WNT2: variants seen among roughly 807,000 people sequenced by gnomAD.
The protein encoded by WNT2 is protein Wnt-2.
WNT2 carries 12 observed loss-of-function variants against 36.9 expected under a neutral mutation model. The observed-to-expected ratio is 0.33, with a 90% CI of 0.21 to 0.53. The LOEUF is 0.53. WNT2 is among the 20% of genes least tolerant of loss of function. The probability of loss-of-function intolerance (pLI) is 0.95; values close to 1 mark genes in which losing one functional copy is unlikely to be tolerated. For synonymous variants in WNT2, 163 were observed against 174.6 expected (o/e 0.93, Z 0.52); for missense variants, 379 against 473.1 (o/e 0.80, Z 1.84).
chr7:117,278,813 C>T (rs1454277427), intron 4 of WNT2, among the ~76,000 whole-genome samples: 1 of 152,206 alleles, frequency 6.6e-6, no homozygotes, highest in Non-Finnish European at 1.5e-5. Context: ...CCAAGGTTAG[C>T]TCTCTTCAAA....
At chr7:117,296,737 C>T (rs1340842753) in intron 4 of WNT2, among the ~76,000 whole-genome samples, 3 of 152,038 alleles carry the variant, frequency 2.0e-5, no homozygotes, top group Non-Finnish European at 2.9e-5. Context: ...GGGACAGCTG[C>T]GGTGTTGAGG....
Position 117,278,336 on chromosome 7 carries a change from A to G in WNT2, c.902T>C (p.Met301Thr), listed in dbSNP as rs1554456741. The G allele has an allele frequency of 3.1e-6, 5 of 1,614,130 alleles. No individual in the cohort carries two copies. The highest frequency in any genetic ancestry group is 1.7e-5 in the Admixed American group (1 of 60,018). The change falls in exon 5 of 5, where the codon ATG becomes ACG. Residue 301 changes from methionine (M) to threonine (T), a missense_variant. Met to Thr is a moderately conservative substitution (Grantham distance 81). Coordinates refer to ENST00000265441, the MANE Select transcript of WNT2 (RefSeq NM_003391.3). Reference protein sequence around the residue: ...GRVCNLTSRGMDSCEVMCCGR... With the variant: ...GRVCNLTSRGTDSCEVMCCGR... ...ACAGCACATGACTTCACAGCTGTCC[A>G]TGCCCCGGGAAGTCAGGTTGCACAC...
chr7:117,310,507 CAGGAGGTCCAGGCTCTAGTGAGCCG>C (rs1562829784), intron 3 of WNT2, among the ~76,000 whole-genome samples: 1 of 148,088 alleles, frequency 6.8e-6, no homozygotes, highest in African/African-American at 2.5e-5. Flanking sequence ...TGCTTGAGCC[CAGGAGGTCCAGGCTCTAGTGAGCCG>C]AGATTGTGCC....
intron 4 of WNT2, among the ~76,000 whole-genome samples, chr7:117,286,024 T>C (rs139542880): frequency 5.0e-4 from 76 of 152,298 alleles, no homozygotes; most frequent in African/African-American, 1.4e-3. Flanking sequence ...TTTGGCAATG[T>C]CTGTGCTGTG....
chr7:117,282,015 G>T (rs1794498095), intron 4 of WNT2, among the ~76,000 whole-genome samples: 1 of 152,118 alleles, frequency 6.6e-6, no homozygotes, highest in Admixed American at 6.5e-5. Context: ...GGGACTTTAA[G>T]ATTATTTTAG....
intron 2 of WNT2, among the ~76,000 whole-genome samples, chr7:117,316,325 G>C (rs1795216869): frequency 6.6e-6 from 1 of 152,158 alleles, no homozygotes; most frequent in Non-Finnish European, 1.5e-5. Flanking sequence ...CAGATATAAG[G>C]CTCTTTAGGG....
At chr7:117,289,791 C>T (rs1794654033) in intron 4 of WNT2, among the ~76,000 whole-genome samples, 1 of 152,160 alleles carries the variant, frequency 6.6e-6, no homozygotes, top group Non-Finnish European at 1.5e-5. Flanking sequence ...ATTCGCTATA[C>T]ACACTGTGGC....
At chr7:117,309,575 A>G (rs1244813663) in intron 3 of WNT2, among the ~76,000 whole-genome samples, 1 of 152,232 alleles carries the variant, frequency 6.6e-6, no homozygotes, top group Non-Finnish European at 1.5e-5. Flanking sequence ...TGCAAACTGT[A>G]TAATAATGGT....
intron 4 of WNT2, among the ~76,000 whole-genome samples, chr7:117,293,061 G>A (rs1027750018): frequency 6.6e-6 from 1 of 152,062 alleles, no homozygotes; most frequent in Non-Finnish European, 1.5e-5. Flanking sequence ...GTCGGAGCCT[G>A]CGGTAAGCCA....
At chr7:117,304,432 ATTTTT>A (rs3034483) in intron 3 of WNT2, among the ~76,000 whole-genome samples, 28 of 116,912 alleles carry the variant, frequency 2.4e-4, no homozygotes, top group Admixed American at 7.8e-4. Flanking sequence ...TCTCCTCCAC[ATTTTT>A]TTTTTTTTTT....
chr7:117,298,595 C>A (rs890289236), intron 3 of WNT2, among the ~76,000 whole-genome samples: 1 of 152,228 alleles, frequency 6.6e-6, no homozygotes, highest in East Asian at 1.9e-4. Flanking sequence ...AAGCTCATCT[C>A]GGCTGGCTCC....
At position 117,276,542 on chromosome 7, in the gene WNT2, T is replaced by C. The variant is rs534231508; in HGVS notation, c.*1613A>G. 1 of 152,342 alleles carries C rather than the reference T, an allele frequency of 6.6e-6. No homozygotes were observed. The highest frequency in any genetic ancestry group is 1.5e-5 in the Non-Finnish European group (1 of 68,040). The allele number at this position is 152,342 out of a possible 1,614,324, so 9.4% of individuals were successfully genotyped here. Reference sequence around the variant, plus strand: ...GAGGGCTGGAGGCAAATGTTAACTATGGCAAAGTACTCCAGTAGGTTGTTT... The same window carrying C: ...GAGGGCTGGAGGCAAATGTTAACTACGGCAAAGTACTCCAGTAGGTTGTTT... On this transcript the variant is annotated 3_prime_UTR_variant, in exon 5 of 5. Transcript: ENST00000265441.
intron 1 of WNT2, among the ~76,000 whole-genome samples, chr7:117,321,124 C>T (rs1015574008): frequency 1.3e-5 from 2 of 152,118 alleles, no homozygotes; most frequent in Non-Finnish European, 2.9e-5. Context: ...TAAGAAGCAA[C>T]GTGTCTTGGG....
chr7:117,283,814 A>G (rs182385081), intron 4 of WNT2, among the ~76,000 whole-genome samples: 1 of 152,300 alleles, frequency 6.6e-6, no homozygotes, highest in East Asian at 1.9e-4. Context: ...GGAAAACACA[A>G]TCTGAACATG....
intron 3 of WNT2, among the ~76,000 whole-genome samples, chr7:117,303,705 C>T (rs1584689060): frequency 6.6e-6 from 1 of 152,298 alleles, no homozygotes; most frequent in African/African-American, 2.4e-5. Flanking sequence ...AAACAATAAA[C>T]ATCTACATAA....
At chr7:117,293,238 C>T (rs1224508961) in intron 4 of WNT2, among the ~76,000 whole-genome samples, 1 of 152,164 alleles carries the variant, frequency 6.6e-6, no homozygotes, top group Non-Finnish European at 1.5e-5. Flanking sequence ...CTGTAGACTG[C>T]ATCAGTTGCA....
intron 4 of WNT2, among the ~76,000 whole-genome samples, chr7:117,291,360 T>C (rs1014171778): frequency 2.0e-5 from 3 of 152,160 alleles, no homozygotes; most frequent in Admixed American, 2.0e-4. Flanking sequence ...CTGGCCCAGG[T>C]CAGGGTTTTT....
chr7:117,289,981 G>A (rs1168464945), intron 4 of WNT2, among the ~76,000 whole-genome samples: 1 of 152,166 alleles, frequency 6.6e-6, no homozygotes, highest in Non-Finnish European at 1.5e-5. Flanking sequence ...GGAAGTGGGT[G>A]GCAGGCAGTA....
chr7:117,318,173 T>C (rs930226198), intron 2 of WNT2, among the ~76,000 whole-genome samples: 1 of 152,246 alleles, frequency 6.6e-6, no homozygotes, highest in Non-Finnish European at 1.5e-5. Context: ...ATAAATGGTC[T>C]TGCCCTTTGC....
Sources: allele counts gnomAD v4.1 joint callset (sites outside exome capture counted in the v4.1 genomes callset), GRCh38; gene constraint gnomAD v4.1.1; transcripts MANE v1.5; gene names NCBI Gene and HGNC (gene_info 2026-07-23, HGNC 2026-07-21).